The following KNDC1 variants were observed in gnomAD, a reference collection of about 807,000 sequenced individuals.
KNDC1 encodes the protein kinase non-catalytic C-lobe domain containing 1, also known as kinase non-catalytic C-lobe domain-containing protein 1.
A neutral mutation model predicts 172.8 loss-of-function variants in KNDC1; 106 were observed. That is an observed-to-expected ratio of 0.61 (90% confidence interval 0.52 to 0.72). KNDC1 has a LOEUF of 0.72. KNDC1 is among the 30% of genes least tolerant of loss of function. The pLI is 0.00. For missense variants in KNDC1, 2,325 were observed against 2,394.5 expected (o/e 0.97, Z 0.61); for synonymous variants, 1,083 against 1,062.2 (o/e 1.02, Z -0.38).
At chr10:133,162,612 G>A (rs905325570) in intron 1 of KNDC1, among the ~76,000 whole-genome samples, 11 of 152,254 alleles carry the variant, frequency 7.2e-5, no homozygotes, top group Non-Finnish European at 7.3e-5. Flanking sequence ...GTGAAAAGAT[G>A]TTTGCTCATT....
chr10:133,209,199 C>T lies in KNDC1; in HGVS notation c.3795-1412C>T, dbSNP rs910117439. Among the ~76,000 whole-genome samples the T allele has an allele frequency of 3.4e-5, 5 of 146,978 alleles. No individual in the cohort carries two copies. The highest frequency in any genetic ancestry group is 5.1e-5 in the African/African-American group (2 of 39,412). ...GTGTATGGCATGGGGTGTAGTGTGG[C>T]GTGTACACGTGTGTGGTTGGGTTTT... On this transcript the variant is annotated intron_variant, in intron 20 of 29. Coordinates refer to ENST00000304613, the MANE Select transcript of KNDC1 (RefSeq NM_152643.8). This position sits in a 1 kb window ranked among gnomAD's most constrained non-coding sequence, Gnocchi z 4.9.
intron 10 of KNDC1, 152 bp from the exon 11 acceptor site, chr10:133,196,906 C>A: frequency 1.6e-6 from 1 of 628,420 alleles, no homozygotes; most frequent in Non-Finnish European, 2.9e-6. Context: ...CTAAGAAAGG[C>A]TTGTCCGGGG....
intron 15 of KNDC1, 29 bp from the exon 16 acceptor site, chr10:133,200,346 T>C: frequency 6.5e-7 from 1 of 1,538,498 alleles, no homozygotes; most frequent in Non-Finnish European, 8.8e-7. Context: ...TGGGCGGAGG[T>C]GGGGACTGAC....
chr10:133,181,859 C>CACACACACACA (rs1381021820), intron 3 of KNDC1, among the ~76,000 whole-genome samples: 2 of 148,706 alleles, frequency 1.3e-5, no homozygotes, highest in African/African-American at 4.9e-5. Flanking sequence ...CACACACACA[C>CACACACACACA]ACCAGACTGT....
intron 25 of KNDC1, 118 bp downstream of exon 25, chr10:133,213,845 G>A: frequency 7.0e-7 from 1 of 1,437,710 alleles, no homozygotes; most frequent in Non-Finnish European, 9.7e-7. Flanking sequence ...AGACGCGAGA[G>A]AGTGGTGTCT....
At chr10:133,207,668 T>C (rs1383676698) in intron 20 of KNDC1, among the ~76,000 whole-genome samples, 1 of 152,182 alleles carries the variant, frequency 6.6e-6, no homozygotes, top group African/African-American at 2.4e-5. Context: ...CACAGGCAGC[T>C]CGGCGATGTG....
chr10:133,167,693 C>T (rs1001373333), intron 2 of KNDC1, 114 bp downstream of exon 2: 13 of 1,212,272 alleles, frequency 1.1e-5, no homozygotes, highest in African/African-American at 7.5e-5. Flanking sequence ...TGCCCGGACC[C>T]GGGTTTCCTG....
rs1854175965 is a variant in KNDC1 at position 133,195,831 on chromosome 10, C to T, written c.1734+10C>T. On this transcript the variant is annotated intron_variant, in intron 10 of 29. Transcript: ENST00000304613. ...GGCTGAGGCCATCAAGGTAACCACACCACAGTCATGGCCCCAGCCCAGGGT... is the reference window on the plus strand; with the variant it reads ...GGCTGAGGCCATCAAGGTAACCACATCACAGTCATGGCCCCAGCCCAGGGT... 3 of 1,541,228 alleles carry T rather than the reference C, an allele frequency of 1.9e-6. No homozygotes were observed. Among genetic ancestry groups the T allele is most frequent in the South Asian group, 2.4e-5 (2 of 83,174 alleles).
At position 133,201,910 on chromosome 10, in the gene KNDC1, G is replaced by T; in HGVS notation, c.3387+12G>T. 1 of 1,506,256 alleles carries T rather than the reference G, an allele frequency of 6.6e-7. No homozygotes were observed. The highest frequency in any genetic ancestry group is 8.9e-7 in the Non-Finnish European group (1 of 1,128,920). The allele number at this position is 1,506,256 out of a possible 1,614,324, so 93.3% of individuals were successfully genotyped here. ...ACGCCCAGAGCCCGGTGAGTCCCAGGCCTTGGCACTGCCGGGTGGGGCAGG... is the reference window on the plus strand; with the variant it reads ...ACGCCCAGAGCCCGGTGAGTCCCAGTCCTTGGCACTGCCGGGTGGGGCAGG... On this transcript the variant is annotated intron_variant, in intron 17 of 29. Coordinates refer to ENST00000304613, the MANE Select transcript of KNDC1 (RefSeq NM_152643.8).
In KNDC1 at chr10:133,197,711, G is replaced by A. The variant is rs199930247; in HGVS notation, c.1849G>A (p.Ala617Thr). ...QEEETISLQN[A>T]FSVVELKPSV... The stretch of plus-strand genomic sequence containing the variant: ...GGAAGAGACCATCAGCCTCCAAAAC[G>A]CCTTCTCAGTGGTTGAACTGAAGCC... Residue 617 changes from alanine to threonine, a missense_variant, in exon 12 of 30, where the codon GCC becomes ACC. By Grantham distance (58) the Ala-to-Thr change is moderately conservative. Coordinates refer to ENST00000304613, the MANE Select transcript of KNDC1 (RefSeq NM_152643.8). The A allele has an allele frequency of 1.3e-4, 217 of 1,613,334 alleles. 2 individuals carry two copies. The East Asian group carries it at 4.1e-3, about 31-fold the overall frequency.
intron 17 of KNDC1, among the ~76,000 whole-genome samples, chr10:133,204,796 G>C (rs1309948421): frequency 1.3e-5 from 2 of 152,172 alleles, no homozygotes; most frequent in African/African-American, 4.8e-5. Context: ...TGGTGGACCG[G>C]CTCGCGGATG....
Position 133,218,881 on chromosome 10 carries a change from T to G in KNDC1, c.4728T>G (p.Tyr1576Ter), listed in dbSNP as rs373621827. 5.6e-6 allele frequency: 9 copies of G among 1,613,752 alleles called. No individual in the cohort carries two copies. The highest frequency in any genetic ancestry group is 1.3e-5 in the African/African-American group (1 of 74,950). Residue 1576 changes from tyrosine (Y) to a stop codon, truncating the protein, a stop_gained, in exon 27 of 30, where the codon TAT (tyrosine) becomes TAG (stop). Transcript: ENST00000304613. LOFTEE classifies it high-confidence loss of function. The stretch of plus-strand genomic sequence containing the variant: ...TTTTGCTGATTGCAAAATCTTGCTA[T>G]GAGCAGAGAAACTTCGCGACAGCCA... ...SKFLLIAKSC[Y>*]EQRNFATAMQ...
At chr10:133,189,223 AC>A (rs1384417273) in intron 7 of KNDC1, among the ~76,000 whole-genome samples, 1 of 151,892 alleles carries the variant, frequency 6.6e-6, no homozygotes, top group Non-Finnish European at 1.5e-5. Flanking sequence ...TCGGAGACAC[AC>A]CCGGCTCCAG....
chr10:133,167,982 C>T (rs1208682715), intron 2 of KNDC1, among the ~76,000 whole-genome samples: 1 of 152,238 alleles, frequency 6.6e-6, no homozygotes, highest in African/African-American at 2.4e-5. Flanking sequence ...CTGCGTGGCC[C>T]CTGCCCGGGA....
In KNDC1 at chr10:133,212,745, C is replaced by T. The variant is rs1192305931; in HGVS notation, c.4266C>T (p.Asn1422=). The T allele has an allele frequency of 6.8e-6, 11 of 1,613,260 alleles. No homozygotes were observed. The highest frequency in any genetic ancestry group is 5.3e-5 in the African/African-American group (4 of 74,936). ...TCCCCTGGAGGCTGCCCCGAGGCAA[C>T]GGGCTGGTGCTGCCGCCACACAAGG... ...KSFPWRLPRG[N]GLVLPPHKER... Residue 1422 remains asparagine (N), a synonymous_variant, in exon 24 of 30, where the codon AAC becomes AAT. Coordinates refer to ENST00000304613, the MANE Select transcript of KNDC1 (RefSeq NM_152643.8).
At chr10:133,206,551 T>C in intron 17 of KNDC1, 134 bp from the exon 18 acceptor site, 1 of 763,030 alleles carries the variant, frequency 1.3e-6, no homozygotes, top group Non-Finnish European at 2.3e-6. Flanking sequence ...TGAGTGGGCC[T>C]CTGTCTCCAT....
In KNDC1 at chr10:133,224,835, A is replaced by G; in HGVS notation, c.5195A>G (p.Lys1732Arg). ...AACTTCCACCAGGTCTCCAGCGAGA[A>G]GCACTCACGGAAGATTCAGGACAAG... ...RANFHQVSSE[K>R]HSRKIQDKLR... is the part of the protein sequence containing the mutation. Residue 1732 changes from lysine (K) to arginine (R), a missense_variant, in exon 30 of 30, where the codon AAG becomes AGG. Lys to Arg is a conservative substitution (Grantham distance 26, BLOSUM62 2). Transcript: ENST00000304613. The surrounding 1 kb of genome is among the most constrained non-coding windows in gnomAD (Gnocchi z 5.4). The G allele has an allele frequency of 6.2e-7, 1 of 1,614,112 alleles. No individual in the cohort carries two copies. The highest frequency in any genetic ancestry group is 8.5e-7 in the Non-Finnish European group (1 of 1,180,026).
intron 1 of KNDC1, among the ~76,000 whole-genome samples, chr10:133,164,523 GC>G (rs1312653372): frequency 6.6e-6 from 1 of 152,222 alleles, no homozygotes; most frequent in Non-Finnish European, 1.5e-5. Context: ...GCCAGCTGAG[GC>G]CGGCGTTGCT....
In KNDC1 at chr10:133,168,295, A is replaced by G; in HGVS notation, c.343A>G (p.Thr115Ala). Reference protein sequence around the residue: ...GAFVPPEFDVTGNTFEAHIYS... With the variant: ...GAFVPPEFDVAGNTFEAHIYS... Reference sequence around the variant, plus strand: ...CTTCGTTCCCCCCGAGTTCGACGTGACCGGGAACACCTTTGAGGTAAGTGC... The same window carrying G: ...CTTCGTTCCCCCCGAGTTCGACGTGGCCGGGAACACCTTTGAGGTAAGTGC... Residue 115 changes from threonine (T) to alanine (A), a missense_variant, in exon 3 of 30, where the codon ACC becomes GCC. Coordinates refer to ENST00000304613, the MANE Select transcript of KNDC1 (RefSeq NM_152643.8). 6.2e-7 allele frequency: 1 copy of G among 1,614,120 alleles called. No homozygotes were observed.
Sources: gnomAD v4.1 joint callset for allele counts (sites outside exome capture counted in the v4.1 genomes callset) on GRCh38, gnomAD v4.1.1 for gene constraint, Gnocchi (gnomAD v3.1) non-coding constraint, MANE v1.5 for transcripts, NCBI Gene and HGNC (gene_info 2026-07-23, HGNC 2026-07-21) for gene names.